ADCY8: variants seen among roughly 807,000 people sequenced by gnomAD.
ADCY8 encodes the protein adenylate cyclase type 8.
In ADCY8, 51 loss-of-function variants were observed where a neutral mutation model predicts 119.7. The ratio of observed to expected loss-of-function variants is 0.43; its 90% confidence interval spans 0.34 to 0.54. The LOEUF (loss-of-function observed/expected upper bound fraction) is 0.54, where lower values mean the gene tolerates loss of function less well. Among genes scored for constraint, ADCY8 ranks in the 20% least tolerant of loss-of-function variants. The pLI is 0.03. For synonymous variants in ADCY8, 665 were observed against 651.0 expected (o/e 1.02, Z -0.33); for missense variants, 1,383 against 1,598.8 (o/e 0.87, Z 2.30).
rs1157687317 is a variant in ADCY8, at chr8:131,019,801, C to A, written c.960+19573G>T. ...CCAGAAAACACATGGAACAAATTCT[C>A]TCTCTCTCTCTCTCTCTCTCTCTCT... On this transcript the variant is annotated intron_variant, in intron 1 of 17. Coordinates refer to ENST00000286355, the MANE Select transcript of ADCY8 (RefSeq NM_001115.3). Among the ~76,000 whole-genome samples the A allele has an allele frequency of 6.2e-3, 292 of 47,476 alleles. 1 individual carries two copies. Among genetic ancestry groups the A allele is most frequent in the African/African-American group, 0.022 (281 of 12,678 alleles). 31.1% of individuals were successfully genotyped at this position (47,476 alleles called of 152,430 possible).
At chr8:130,791,942 C>T (rs1232741857) in intron 15 of ADCY8, among the ~76,000 whole-genome samples, 1 of 152,248 alleles carries the variant, frequency 6.6e-6, no homozygotes, top group Non-Finnish European at 1.5e-5. Context: ...CTTGACATCA[C>T]TTTCCTTTCT....
chr8:130,992,787 C>T (rs927297059), intron 1 of ADCY8, among the ~76,000 whole-genome samples: 4 of 151,696 alleles, frequency 2.6e-5, no homozygotes, highest in Non-Finnish European at 4.4e-5. Context: ...GCCTAACATA[C>T]ATATAATTGG....
At chr8:131,022,120 C>A (rs1563771598) in intron 1 of ADCY8, among the ~76,000 whole-genome samples, 2 of 151,166 alleles carry the variant, frequency 1.3e-5, no homozygotes, top group East Asian at 3.9e-4. Context: ...GCACACCAAT[C>A]TGTTTTTTTT....
chr8:130,818,426 C>A (rs982102841), intron 13 of ADCY8, among the ~76,000 whole-genome samples: 1 of 152,176 alleles, frequency 6.6e-6, no homozygotes, highest in South Asian at 2.1e-4. Context: ...GTGGGAGGCA[C>A]CCAGTTGTTT....
chr8:130,990,032 AT>A (rs1212702141), intron 2 of ADCY8, among the ~76,000 whole-genome samples: 2 of 152,226 alleles, frequency 1.3e-5, no homozygotes, highest in Non-Finnish European at 2.9e-5. Flanking sequence ...CAGAAAAAAA[AT>A]GTCTGAAATA....
At chr8:130,934,090 A>G (rs1370662836) in intron 5 of ADCY8, among the ~76,000 whole-genome samples, 2 of 152,248 alleles carry the variant, frequency 1.3e-5, no homozygotes, top group Non-Finnish European at 2.9e-5. Flanking sequence ...GTGGAGCTCA[A>G]TAAACATTTG....
rs766366222 is a variant in ADCY8 at position 130,780,456 on chromosome 8, C to A, written c.3690G>T (p.Leu1230Phe). The A allele has an allele frequency of 1.8e-5, 29 of 1,613,218 alleles. No individual in the cohort carries two copies. The highest frequency in any genetic ancestry group is 2.3e-5 in the Non-Finnish European group (27 of 1,179,926). Reference sequence around the variant, plus strand: ...CAGGCTCTGTGCCGCTGGGTGACAACAAAGTCCGCCGGTTGTAATGACCCT... The same window carrying A: ...CAGGCTCTGTGCCGCTGGGTGACAAAAAAGTCCGCCGGTTGTAATGACCCT... ...IIKGHYNRRT[L>F]LSPSGTEPGA... Residue 1230 changes from leucine to phenylalanine, a missense_variant, in exon 18 of 18, where the codon TTG (leucine) becomes TTT (phenylalanine). Leu to Phe is a conservative substitution (Grantham distance 22). Around this residue, in one of 2 missense-constraint regions of ADCY8, gnomAD observed 928 missense variants for 1,163.5 expected, o/e 0.80. Coordinates refer to ENST00000286355, the MANE Select transcript of ADCY8 (RefSeq NM_001115.3).
intron 8 of ADCY8, among the ~76,000 whole-genome samples, chr8:130,875,336 G>A (rs1818520798): frequency 4.6e-5 from 7 of 152,140 alleles, no homozygotes; most frequent in Admixed American, 4.6e-4. Context: ...AAAAACTCAA[G>A]AGCAGCCTGA....
chr8:130,780,674 T>A lies in ADCY8; in HGVS notation c.3472A>T (p.Ile1158Phe), dbSNP rs1021550886. The change falls in exon 18 of 18, where the codon ATC becomes TTC. Residue 1158 changes from isoleucine to phenylalanine, a missense_variant. Physicochemically the swap from Ile to Phe is conservative, Grantham distance 21. Around this residue, in one of 2 missense-constraint regions of ADCY8, gnomAD observed 928 missense variants for 1,163.5 expected, o/e 0.80. Coordinates refer to ENST00000286355, the MANE Select transcript of ADCY8 (RefSeq NM_001115.3). ...DYRGEIYVKG[I>F]SEQEGKIKTY... ...TTGATTTTTCCTTCCTGTTCACTGATACCCTTCACATAGATCTCCCCTCGG... is the reference window on the plus strand; with the variant it reads ...TTGATTTTTCCTTCCTGTTCACTGAAACCCTTCACATAGATCTCCCCTCGG... 9.9e-6 allele frequency: 16 copies of A among 1,614,084 alleles called. No individual in the cohort carries two copies. Among genetic ancestry groups the A allele is most frequent in the Admixed American group, 1.7e-5 (1 of 60,000 alleles).
intron 9 of ADCY8, among the ~76,000 whole-genome samples, chr8:130,853,579 T>G (rs1000915762): frequency 1.1e-4 from 1 of 9,130 alleles, no homozygotes; most frequent in African/African-American, 2.7e-4. Context: ...AAATTGATGT[T>G]TTTTTTTTTT....
chr8:130,882,968 T>C (rs779199188), intron 8 of ADCY8, among the ~76,000 whole-genome samples: 8 of 152,134 alleles, frequency 5.3e-5, no homozygotes, highest in Admixed American at 1.3e-4. Flanking sequence ...ACAGGCTAGG[T>C]GGTCTGTGGC....
chr8:131,035,292 C>A (rs1029470617), intron 1 of ADCY8, among the ~76,000 whole-genome samples: 2 of 152,102 alleles, frequency 1.3e-5, no homozygotes, highest in Non-Finnish European at 2.9e-5. Flanking sequence ...ATAAAAGGAA[C>A]CCTTCAAACT....
At chr8:130,860,863 T>TC (rs1017283429) in intron 9 of ADCY8, among the ~76,000 whole-genome samples, 32 of 152,128 alleles carry the variant, frequency 2.1e-4, no homozygotes, top group African/African-American at 7.7e-4. Flanking sequence ...ATTGTTCAAC[T>TC]CCCACTTATG....
At chr8:130,914,455 A>C (rs1820069040) in intron 5 of ADCY8, among the ~76,000 whole-genome samples, 1 of 151,148 alleles carries the variant, frequency 6.6e-6, no homozygotes, top group African/African-American at 2.5e-5. Flanking sequence ...TAGCAAGAAG[A>C]CTTCACATTT....
intron 7 of ADCY8, among the ~76,000 whole-genome samples, chr8:130,893,319 G>A (rs1411897519): frequency 6.6e-6 from 1 of 152,156 alleles, no homozygotes; most frequent in African/African-American, 2.4e-5. Flanking sequence ...GATAAGGTAC[G>A]ATCTAGGAAT....
intron 5 of ADCY8, among the ~76,000 whole-genome samples, chr8:130,930,590 C>G (rs1820604445): frequency 1.3e-5 from 2 of 151,964 alleles, no homozygotes; most frequent in South Asian, 4.1e-4. Context: ...TAGGTTTTTG[C>G]TTTGTGGTTA....
At chr8:131,018,866 A>G (rs998049358) in intron 1 of ADCY8, among the ~76,000 whole-genome samples, 1 of 152,164 alleles carries the variant, frequency 6.6e-6, no homozygotes, top group Non-Finnish European at 1.5e-5. Context: ...TCTCCTGGAG[A>G]TTAACATATA....
chr8:130,994,127 C>T (rs1822690405), intron 1 of ADCY8, among the ~76,000 whole-genome samples: 1 of 152,214 alleles, frequency 6.6e-6, no homozygotes, highest in Admixed American at 6.5e-5. Flanking sequence ...GTAAGCTGAA[C>T]TAATTAAGAT....
intron 14 of ADCY8, among the ~76,000 whole-genome samples, chr8:130,808,028 A>G (rs1816031617): frequency 6.9e-6 from 1 of 145,034 alleles, no homozygotes; most frequent in African/African-American, 2.5e-5. Flanking sequence ...AAAATTGGCC[A>G]GTATCAAGTA....
Sources: gnomAD v4.1 joint callset for allele counts (sites outside exome capture counted in the v4.1 genomes callset) on GRCh38, gnomAD v4.1.1 for gene constraint, gnomAD v4.1.1 regional missense constraint, MANE v1.5 for transcripts, NCBI Gene and HGNC (gene_info 2026-07-23, HGNC 2026-07-21) for gene names.